The following ZNF429 variants were observed in gnomAD, a reference collection of about 807,000 sequenced individuals.
ZNF429 encodes the protein zinc finger protein 429.
ZNF429 carries 53 observed loss-of-function variants against 56.8 expected under a neutral mutation model. The observed-to-expected ratio is 0.93, with a 90% CI of 0.75 to 1.17. The LOEUF (loss-of-function observed/expected upper bound fraction) is 1.17. Among genes scored for constraint, ZNF429 ranks in the 50% most tolerant of loss-of-function variants. The probability of loss-of-function intolerance (pLI) is 0.00; values close to 1 mark genes in which losing one functional copy is unlikely to be tolerated. For missense variants in ZNF429, 849 were observed against 788.4 expected (o/e 1.08, Z -0.92); for synonymous variants, 278 against 264.7 (o/e 1.05, Z -0.49).
chr19:21,511,200 G>T (rs958500486), intron 1 of ZNF429, among the ~76,000 whole-genome samples: 3 of 151,748 alleles, frequency 2.0e-5, no homozygotes, highest in East Asian at 3.9e-4. Context: ...GCGGCTGGCC[G>T]GGCGGGGGCT....
At chr19:21,519,866 A>ATTT (rs33916077) in intron 1 of ZNF429, among the ~76,000 whole-genome samples, 3,450 of 145,046 alleles carry the variant, frequency 0.024, 124 homozygotes, top group African/African-American at 0.07. Flanking sequence ...GCACCCATGA[A>ATTT]TTTTTTTTTT....
chr19:21,522,796 C>T (rs77862714), intron 1 of ZNF429, among the ~76,000 whole-genome samples: 8 of 151,516 alleles, frequency 5.3e-5, no homozygotes, highest in East Asian at 3.9e-4. Context: ...ACTTGGAGGC[C>T]GAGACAGGAG....
chr19:21,529,651 G>T lies in ZNF429; in HGVS notation c.4-7G>T, dbSNP rs778887347. Reference sequence around the variant, plus strand: ...TCTCTCCTTCTGTTGGTGTGTGTGTGTTTCAGGGACCATTGACATTTACAG... The same window carrying T: ...TCTCTCCTTCTGTTGGTGTGTGTGTTTTTCAGGGACCATTGACATTTACAG... On this transcript the variant is annotated splice_polypyrimidine_tract_variant and splice_region_variant and intron_variant, in intron 1 of 3. Transcript: ENST00000358491. 6.4e-7 allele frequency: 1 copy of T among 1,556,000 alleles called. No homozygotes were observed. The highest frequency in any genetic ancestry group is 8.7e-7 in the Non-Finnish European group (1 of 1,149,072).
chr19:21,516,298 A>G (rs567482163), intron 1 of ZNF429, among the ~76,000 whole-genome samples: 2 of 152,212 alleles, frequency 1.3e-5, no homozygotes, highest in Non-Finnish European at 2.9e-5. Flanking sequence ...CGTGTTAGCC[A>G]GGATGGCTTC....
At position 21,526,869 on chromosome 19, in the gene ZNF429, A is replaced by G. The variant is rs181441820; in HGVS notation, c.4-2789A>G. Among the ~76,000 whole-genome samples, 666 of 152,268 alleles carry G rather than the reference A, an allele frequency of 4.4e-3. 4 individuals are homozygous for G. Among genetic ancestry groups the G allele is most frequent in the Middle Eastern group, 0.014 (4 of 294 alleles). ...GATTGCTAGTTTGTTCTTGCAGTCAATCTGGAGCTAAAATTCACACTGTGA... is the reference window on the plus strand; with the variant it reads ...GATTGCTAGTTTGTTCTTGCAGTCAGTCTGGAGCTAAAATTCACACTGTGA... On this transcript the variant is annotated intron_variant, in intron 1 of 3. Transcript: ENST00000358491.
chr19:21,535,296 C>CTTCCTTCTTTCTTTCTTTCT, intron 3 of ZNF429, among the ~76,000 whole-genome samples: 2 of 82,546 alleles, frequency 2.4e-5, no homozygotes, highest in Non-Finnish European at 4.7e-5. Context: ...CATTTCTTTC[C>CTTCCTTCTTTCTTTCTTTCT]TTCTTTCTTT....
Position 21,507,987 on chromosome 19 carries a change from TCA to T in ZNF429, c.3+2215_3+2216del, listed in dbSNP as rs1048935313. ...TAGTATCTCTGCCAGGCACGGTGGC[TCA>T]CGCCTGTAATCCCAGCACTTTGGGA... On this transcript the variant is annotated intron_variant, in intron 1 of 3. Transcript: ENST00000358491. 2.6e-5 allele frequency among the ~76,000 whole-genome samples: 4 copies of T among 152,176 alleles called. 1 individual carries two copies. Among genetic ancestry groups the T allele is most frequent in the African/African-American group, 9.6e-5 (4 of 41,452 alleles).
Position 21,537,069 on chromosome 19 carries a change from A to G in ZNF429, c.1016A>G (p.Lys339Arg). The part of the protein sequence containing the change: ...TSHKRIHTGE[K>R]PYKCEECGKA... ...CATAAGAGAATACATACTGGTGAGA[A>G]ACCCTACAAATGTGAAGAATGTGGC... is the stretch of plus-strand genomic sequence containing the variant. The change falls in exon 4 of 4, where the codon AAA becomes AGA. Residue 339 changes from lysine to arginine, a missense_variant. Physicochemically the swap from Lys to Arg is conservative, Grantham distance 26 (BLOSUM62 2). Transcript: ENST00000358491. 1 of 1,614,022 alleles carries G rather than the reference A, an allele frequency of 6.2e-7. No individual in the cohort carries two copies. Among genetic ancestry groups the G allele is most frequent in the African/African-American group, 1.3e-5 (1 of 75,056 alleles).
In ZNF429 at chr19:21,537,841, A is replaced by T; in HGVS notation, c.1788A>T (p.Glu596Asp). The T allele has an allele frequency of 6.2e-7, 1 of 1,613,812 alleles. No homozygotes were observed. The highest frequency in any genetic ancestry group is 1.1e-5 in the South Asian group (1 of 91,076). The change falls in exon 4 of 4, where the codon GAA becomes GAT. Residue 596 changes from glutamate to aspartate, a missense_variant. Transcript: ENST00000358491. ...IHSGEKPYKC[E>D]ECGKAFNRSS... ...GTGGAGAGAAACCCTACAAATGTGAAGAATGTGGCAAAGCTTTTAATCGGT... is the reference window on the plus strand; with the variant it reads ...GTGGAGAGAAACCCTACAAATGTGATGAATGTGGCAAAGCTTTTAATCGGT...
intron 3 of ZNF429, among the ~76,000 whole-genome samples, chr19:21,535,477 TTTCTTTCTTTCTTTCTTTC>T: frequency 1.7e-4 from 16 of 96,794 alleles, no homozygotes; most frequent in South Asian, 6.4e-4. Flanking sequence ...TCTTTCTTTC[TTTCTTTCTTTCTTTCTTTC>T]TTCTTTCTTT....
chr19:21,512,014 T>C (rs1288887400), intron 1 of ZNF429, among the ~76,000 whole-genome samples: 2 of 152,044 alleles, frequency 1.3e-5, no homozygotes, highest in Non-Finnish European at 2.9e-5. Context: ...TGCAGTGAGC[T>C]GAGATGGCAG....
At position 21,536,192 on chromosome 19, in the gene ZNF429, G is replaced by C; in HGVS notation, c.227-88G>C. On this transcript the variant is annotated intron_variant, in intron 3 of 3. Coordinates refer to ENST00000358491, the MANE Select transcript of ZNF429 (RefSeq NM_001001415.4). ...TTTGCTATGCTGTGTTGCTTACGTA[G>C]TTTTTATAACTTTAGAGGTTTTGTT... is the stretch of plus-strand genomic sequence containing the variant. 3.6e-6 allele frequency: 5 copies of C among 1,371,696 alleles called. No homozygotes were observed. In the African/African-American group the frequency reaches 7.3e-5, roughly 20 times the overall value. 85.0% of individuals were successfully genotyped at this position (1,371,696 alleles called of 1,614,324 possible).
chr19:21,534,791 TG>T, intron 3 of ZNF429, among the ~76,000 whole-genome samples: 10 of 53,982 alleles, frequency 1.9e-4, no homozygotes, highest in Non-Finnish European at 1.7e-4. Flanking sequence ...TTGTTTTTTG[TG>T]TTTTTTTTTT....
rs201008948 is a variant in ZNF429 at position 21,506,459 on chromosome 19, A to AG, written c.3+685_3+686insG. 2.8e-5 allele frequency among the ~76,000 whole-genome samples: 3 copies of AG among 105,598 alleles called. No individual in the cohort carries two copies. The South Asian group carries it at 9.1e-4, about 32-fold the overall frequency. The allele number at this position is 105,598 out of a possible 152,430, so 69.3% of individuals were successfully genotyped here. On this transcript the variant is annotated intron_variant, in intron 1 of 3. Transcript: ENST00000358491. ...TATCTCAAACAAAAAAAAAAAAAAA[A>AG]AAGGGGAGTCACTGCAAAATATTAA...
rs1198833220 is a variant in ZNF429 at position 21,537,025 on chromosome 19, G to T, written c.972G>T (p.Arg324=). The T allele has an allele frequency of 3.1e-6, 5 of 1,612,782 alleles. No individual in the cohort carries two copies. Among genetic ancestry groups the T allele is most frequent in the Admixed American group, 1.7e-5 (1 of 59,902 alleles). Residue 324 remains arginine, a synonymous_variant, in exon 4 of 4, where the codon CGG becomes CGT. Transcript: ENST00000358491. The part of the protein sequence containing the change: ...KCKECGKAFN[R]SSTLTSHKRI... The stretch of plus-strand genomic sequence containing the variant: ...AAGAATGTGGCAAAGCCTTTAACCG[G>T]TCCTCAACCCTTACTAGCCATAAGA...
At chr19:21,512,285 G>T (rs566620636) in intron 1 of ZNF429, among the ~76,000 whole-genome samples, 16 of 152,092 alleles carry the variant, frequency 1.1e-4, no homozygotes, top group Non-Finnish European at 2.1e-4. Flanking sequence ...TGGTTTTGGT[G>T]GGTTTTAGCT....
chr19:21,530,574 T>G lies in ZNF429; in HGVS notation c.131-15T>G. 6 of 1,576,210 alleles carry G rather than the reference T, an allele frequency of 3.8e-6. No homozygotes were observed. Among genetic ancestry groups the G allele is most frequent in the Non-Finnish European group, 5.2e-6 (6 of 1,158,082 alleles). On this transcript the variant is annotated splice_polypyrimidine_tract_variant and intron_variant, in intron 2 of 3. Coordinates refer to ENST00000358491, the MANE Select transcript of ZNF429 (RefSeq NM_001001415.4). The stretch of plus-strand genomic sequence containing the variant: ...ATATAAGCAAGATTCATCTTCTTTA[T>G]TTTTAATAAAACAGGTATTGCTGTT...
chr19:21,522,907 A>G (rs1055742792), intron 1 of ZNF429, among the ~76,000 whole-genome samples: 2 of 152,122 alleles, frequency 1.3e-5, no homozygotes, highest in African/African-American at 4.8e-5. Context: ...AAAAAAAAAA[A>G]AAGTGTATAC....
In ZNF429 at chr19:21,537,608, A is replaced by G; in HGVS notation, c.1555A>G (p.Ile519Val). The change falls in exon 4 of 4, where the codon ATC becomes GTC. Residue 519 changes from isoleucine (I) to valine (V), a missense_variant. Ile to Val is a conservative substitution (Grantham distance 29, BLOSUM62 3). Transcript: ENST00000358491. ...ATGTGAAGAATGTGGCAAAGCTTTT[A>G]TCCTGTCCTCAAGACTTACTCAACA... ...YKCEECGKAF[I>V]LSSRLTQHKK... The G allele has an allele frequency of 6.2e-7, 1 of 1,613,646 alleles. No individual in the cohort carries two copies. The highest frequency in any genetic ancestry group is 8.5e-7 in the Non-Finnish European group (1 of 1,179,894).
Sources: gnomAD v4.1 joint callset for allele counts (sites outside exome capture counted in the v4.1 genomes callset) on GRCh38, gnomAD v4.1.1 for gene constraint, MANE v1.5 for transcripts, NCBI Gene and HGNC (gene_info 2026-07-23, HGNC 2026-07-21) for gene names.